CRBN: variants seen among roughly 807,000 people sequenced by gnomAD.
CRBN encodes the protein protein cereblon.
A neutral mutation model predicts 62.2 loss-of-function variants in CRBN; 53 were observed. That is an observed-to-expected ratio of 0.85 (90% CI 0.68 to 1.07). The LOEUF is 1.07. CRBN is among the 50% of genes least tolerant of loss of function. The pLI is 0.00. For missense variants in CRBN, 616 were observed against 531.1 expected, an observed-to-expected ratio of 1.16 and a Z score of -1.57; for synonymous variants, 208 against 176.1, an observed-to-expected ratio of 1.18 and a Z score of -1.43.
intron 4 of CRBN, among the ~76,000 whole-genome samples, chr3:3,171,031 G>A (rs548332680): frequency 1.3e-5 from 2 of 152,088 alleles, no homozygotes; most frequent in Non-Finnish European, 2.9e-5. Context: ...TCTCAAACTC[G>A]TGAGCTCAGG....
intron 9 of CRBN, 37 bp downstream of exon 9, chr3:3,153,387 T>A: frequency 8.9e-7 from 1 of 1,121,768 alleles, no homozygotes; most frequent in Non-Finnish European, 1.4e-6. Context: ...ATAATTCTGA[T>A]AAGGCAAGTA....
intron 1 of CRBN, among the ~76,000 whole-genome samples, chr3:3,176,546 G>A (rs1344872323): frequency 6.6e-6 from 1 of 152,118 alleles, no homozygotes; most frequent in Non-Finnish European, 1.5e-5. Flanking sequence ...GACCAGCCTG[G>A]CCAACATGTT....
chr3:3,151,902 T>C (rs1022357986), intron 10 of CRBN, among the ~76,000 whole-genome samples: 14 of 152,220 alleles, frequency 9.2e-5, no homozygotes, highest in Non-Finnish European at 2.1e-4. Context: ...ATCATTGCTT[T>C]GTAAACATTC....
At chr3:3,158,298 C>T (rs1027366278) in intron 5 of CRBN, among the ~76,000 whole-genome samples, 16 of 152,200 alleles carry the variant, frequency 1.1e-4, no homozygotes, top group Non-Finnish European at 2.2e-4. Flanking sequence ...CTCAGCTTCA[C>T]TTGCTCGTTC....
chr3:3,177,551 T>C (rs528412132), intron 1 of CRBN, among the ~76,000 whole-genome samples: 3 of 152,364 alleles, frequency 2.0e-5, no homozygotes, highest in Non-Finnish European at 4.4e-5. Flanking sequence ...CATCAAATTG[T>C]TTGTATTTCC....
At chr3:3,170,940 G>T (rs1707582063) in intron 4 of CRBN, among the ~76,000 whole-genome samples, 2 of 152,088 alleles carry the variant, frequency 1.3e-5, no homozygotes, top group Non-Finnish European at 2.9e-5. Context: ...CTAGTAGCTG[G>T]GATTACAGTC....
At chr3:3,159,482 CAA>C (rs1041712944) in intron 5 of CRBN, among the ~76,000 whole-genome samples, 2 of 152,030 alleles carry the variant, frequency 1.3e-5, no homozygotes, top group African/African-American at 4.8e-5. Flanking sequence ...GCACCCATGT[CAA>C]GAAAAAGAAT....
At chr3:3,152,205 C>T (rs1396094006) in intron 10 of CRBN, among the ~76,000 whole-genome samples, 1 of 150,762 alleles carries the variant, frequency 6.6e-6, no homozygotes, top group Non-Finnish European at 1.5e-5. Flanking sequence ...GGCTGGACTG[C>T]AGTGGCACAA....
rs1203528010 is a variant in CRBN at position 3,174,189 on chromosome 3, C to A, written c.247G>T (p.Val83Phe). The stretch of plus-strand genomic sequence containing the variant: ...AGGATCATCATCACTTGTGGAAGAA[C>A]TGGAATCACCTGACAGCTGTCGTCA... ...HDDDSCQVIP[V>F]LPQVMMILIP... The change falls in exon 3 of 11, where the codon GTT (valine) becomes TTT (phenylalanine). Residue 83 changes from valine (V) to phenylalanine (F), a missense_variant. Physicochemically the swap from Val to Phe is conservative, Grantham distance 50. Coordinates refer to ENST00000231948, the MANE Select transcript of CRBN (RefSeq NM_016302.4). The A allele has an allele frequency of 6.2e-7, 1 of 1,614,034 alleles. No individual in the cohort carries two copies. The highest frequency in any genetic ancestry group is 8.5e-7 in the Non-Finnish European group (1 of 1,180,042).
intron 1 of CRBN, among the ~76,000 whole-genome samples, chr3:3,177,154 T>C (rs1325856489): frequency 6.6e-6 from 1 of 152,240 alleles, no homozygotes; most frequent in African/African-American, 2.4e-5. Context: ...TGGGAGACCC[T>C]GGCCTAGACT....
chr3:3,177,613 C>T (rs889109060), intron 1 of CRBN, among the ~76,000 whole-genome samples: 1 of 152,214 alleles, frequency 6.6e-6, no homozygotes, highest in Non-Finnish European at 1.5e-5. Flanking sequence ...CACTTTATTG[C>T]TCTACTACAG....
chr3:3,151,092 C>T lies in CRBN; in HGVS notation c.1149-47G>A, dbSNP rs761315014. 2.2e-5 allele frequency: 35 copies of T among 1,589,418 alleles called. No individual in the cohort carries two copies. In the South Asian group the frequency reaches 3.6e-4, roughly 16 times the overall value. ...TCAGCTAAGGAAACATTTCTGTACT[C>T]CAAGCCTATCATATAAACCTATCAT... is the stretch of plus-strand genomic sequence containing the variant. On this transcript the variant is annotated intron_variant, in intron 10 of 10. Coordinates refer to ENST00000231948, the MANE Select transcript of CRBN (RefSeq NM_016302.4).
intron 5 of CRBN, among the ~76,000 whole-genome samples, chr3:3,158,642 A>C: frequency 6.6e-6 from 1 of 152,226 alleles, no homozygotes; most frequent in East Asian, 1.9e-4. Context: ...CAAGAATTTC[A>C]CATTTCTTGT....
intron 8 of CRBN, 66 bp downstream of exon 8, chr3:3,153,894 A>G (rs1291890390): frequency 9.8e-7 from 1 of 1,016,812 alleles, no homozygotes; most frequent in Non-Finnish European, 1.6e-6. Context: ...ATTGGCCCCA[A>G]CAGAGCATCC....
At chr3:3,177,049 A>G (rs1707851948) in intron 1 of CRBN, among the ~76,000 whole-genome samples, 1 of 152,150 alleles carries the variant, frequency 6.6e-6, no homozygotes, top group Admixed American at 6.5e-5. Context: ...ACTGGCATCT[A>G]GTGGGTAGAG....
At chr3:3,161,356 A>G (rs1394217073) in intron 5 of CRBN, among the ~76,000 whole-genome samples, 2 of 152,234 alleles carry the variant, frequency 1.3e-5, no homozygotes, top group Non-Finnish European at 1.5e-5. Context: ...TGAACCTTCA[A>G]TGTAATATAT....
At position 3,150,298 on chromosome 3, in the gene CRBN, TA is replaced by T. The variant is rs1004570850; in HGVS notation, c.*566del. 2.9e-4 allele frequency: 44 copies of T among 151,944 alleles called. No individual in the cohort carries two copies. Among genetic ancestry groups the T allele is most frequent in the African/African-American group, 1.1e-3 (43 of 40,698 alleles). The allele number at this position is 151,944 out of a possible 1,614,324, so 9.4% of individuals were successfully genotyped here. A position where few individuals can be genotyped will look rare whatever the true frequency, so the allele number is the denominator to read the frequency against. ...GGCTCAAAAAACTGCATATTTTAACTAATTTTCAAAATTTACAAATCAGTAT... is the reference window on the plus strand; with the variant it reads ...GGCTCAAAAAACTGCATATTTTAACTATTTTCAAAATTTACAAATCAGTAT... On this transcript the variant is annotated 3_prime_UTR_variant, in exon 11 of 11. Transcript: ENST00000231948.
In CRBN at chr3:3,156,227, A is replaced by G. The variant is rs1161589763; in HGVS notation, c.742T>C (p.Tyr248His). The G allele has an allele frequency of 6.2e-7, 1 of 1,613,570 alleles. No individual in the cohort carries two copies. Among genetic ancestry groups the G allele is most frequent in the Non-Finnish European group, 8.5e-7 (1 of 1,179,516 alleles). Residue 248 changes from tyrosine (Y) to histidine (H), a missense_variant, in exon 6 of 11, where the codon TAT (tyrosine) becomes CAT (histidine). Transcript: ENST00000231948. ...TAAGGTAAGTTACTTACAGCATCAT[A>G]TAAGGAATACAGCCAGCGAGGCCAT... is the stretch of plus-strand genomic sequence containing the variant. Reference protein sequence around the residue: ...TSWPRWLYSLYDAETLMDRIK... With the variant: ...TSWPRWLYSLHDAETLMDRIK...
At chr3:3,151,205 TCTAAAAACA>T (rs1706519928) in intron 10 of CRBN, among the ~76,000 whole-genome samples, 160 bp from the exon 11 acceptor site, 3 of 152,216 alleles carry the variant, frequency 2.0e-5, no homozygotes, top group Admixed American at 1.3e-4. Flanking sequence ...TAAAAACATT[TCTAAAAACA>T]TTTTCTAATT....
Sources: allele counts gnomAD v4.1 joint callset (sites outside exome capture counted in the v4.1 genomes callset), GRCh38; gene constraint gnomAD v4.1.1; transcripts MANE v1.5; gene names NCBI Gene and HGNC (gene_info 2026-07-23, HGNC 2026-07-21).